RELN: variants seen among roughly 807,000 people sequenced by gnomAD.
The protein encoded by RELN is reelin.
In RELN, 108 loss-of-function variants were observed where a neutral mutation model predicts 427.6. The ratio of observed to expected loss-of-function variants is 0.25; its 90% CI spans 0.22 to 0.30. RELN has a LOEUF of 0.30. RELN is among the 10% of genes least tolerant of loss of function. The pLI is 1.00. For synonymous variants in RELN, 1,524 were observed against 1,513.4 expected (o/e 1.01, Z -0.16); for missense variants, 3,715 against 4,302.8 (o/e 0.86, Z 3.82).
intron 20 of RELN, among the ~76,000 whole-genome samples, chr7:103,613,936 A>T (rs1475644806): frequency 6.6e-6 from 1 of 152,218 alleles, no homozygotes; most frequent in African/African-American, 2.4e-5. Context: ...TTCTATAGAG[A>T]AACAGAAGGA....
At chr7:103,759,788 C>A (rs1220049413) in intron 4 of RELN, among the ~76,000 whole-genome samples, 1 of 151,952 alleles carries the variant, frequency 6.6e-6, no homozygotes, top group Non-Finnish European at 1.5e-5. Flanking sequence ...ACTTTTGTCT[C>A]CAAAATTACC....
At chr7:103,756,595 T>C (rs1029023526) in intron 4 of RELN, among the ~76,000 whole-genome samples, 9 of 152,208 alleles carry the variant, frequency 5.9e-5, no homozygotes, top group African/African-American at 2.2e-4. Flanking sequence ...CAGAAAATAA[T>C]TGAAGATCCA....
chr7:103,676,406 A>T, intron 11 of RELN, among the ~76,000 whole-genome samples: 1 of 152,164 alleles, frequency 6.6e-6, no homozygotes, highest in Admixed American at 6.5e-5. Flanking sequence ...GCTGGAGAGG[A>T]TGTGGAGAAA....
At chr7:103,938,810 C>A (rs368236435) in intron 1 of RELN, among the ~76,000 whole-genome samples, 3 of 152,008 alleles carry the variant, frequency 2.0e-5, no homozygotes, top group African/African-American at 4.8e-5. Flanking sequence ...GAGCAGCTTT[C>A]GGGAGTAGAT....
At position 103,593,738 on chromosome 7, in the gene RELN, G is replaced by A; in HGVS notation, c.3856C>T (p.Arg1286Ter). ...AMIFGKSDGD[R>*]FAVTRDLTLK... is the part of the protein sequence containing the mutation. The stretch of plus-strand genomic sequence containing the variant: ...GTCAAATCTCGAGTTACTGCAAATC[G>A]ATCTCCATCTGATTTTCCAAATATC... Residue 1286 changes from arginine to a stop codon, truncating the protein, a stop_gained, in exon 27 of 65, where the codon CGA becomes TGA. Coordinates refer to ENST00000428762, the MANE Select transcript of RELN (RefSeq NM_005045.4). LOFTEE classifies it high-confidence loss of function. 6.2e-7 allele frequency: 1 copy of A among 1,613,954 alleles called. No homozygotes were observed. The highest frequency in any genetic ancestry group is 8.5e-7 in the Non-Finnish European group (1 of 1,179,882).
intron 4 of RELN, among the ~76,000 whole-genome samples, chr7:103,761,085 A>G (rs1791287004): frequency 1.3e-5 from 2 of 152,200 alleles, no homozygotes; most frequent in South Asian, 2.1e-4. Context: ...AACCAGCAAT[A>G]TTAGGAATTA....
At chr7:103,862,167 GA>G (rs1794084911) in intron 2 of RELN, among the ~76,000 whole-genome samples, 1 of 152,010 alleles carries the variant, frequency 6.6e-6, no homozygotes, top group Non-Finnish European at 1.5e-5. Context: ...ATTAAAGAAG[GA>G]AAAAGCTAAG....
chr7:103,739,945 A>G (rs1790599651), intron 6 of RELN, among the ~76,000 whole-genome samples: 1 of 152,128 alleles, frequency 6.6e-6, no homozygotes, highest in African/African-American at 2.4e-5. Context: ...AAACAGAACC[A>G]CTGCTCAGAA....
chr7:103,932,065 G>T (rs758639056), intron 1 of RELN, among the ~76,000 whole-genome samples: 2 of 152,040 alleles, frequency 1.3e-5, no homozygotes, highest in Non-Finnish European at 2.9e-5. Context: ...TAAATCATTC[G>T]ACCATAAAGA....
intron 2 of RELN, among the ~76,000 whole-genome samples, chr7:103,877,484 A>G (rs2283033): frequency 0.14 from 22,010 of 152,080 alleles, 1,885 homozygotes; most frequent in East Asian, 0.34. Flanking sequence ...TTTCTTAAGT[A>G]TATGCACTTC....
At chr7:103,885,586 T>C (rs995172528) in intron 2 of RELN, among the ~76,000 whole-genome samples, 1 of 151,952 alleles carries the variant, frequency 6.6e-6, no homozygotes, top group Non-Finnish European at 1.5e-5. Context: ...CGGGGCCTGT[T>C]GTGGGTTGGG....
At chr7:103,624,460 C>T (rs537431183) in intron 20 of RELN, among the ~76,000 whole-genome samples, 12 of 152,178 alleles carry the variant, frequency 7.9e-5, no homozygotes, top group African/African-American at 2.9e-4. Context: ...GAGTTTTACT[C>T]TTGTTGCCCA....
At chr7:103,494,338 TAATAC>T (rs1054310748) in intron 57 of RELN, among the ~76,000 whole-genome samples, 63 of 150,066 alleles carry the variant, frequency 4.2e-4, no homozygotes, top group African/African-American at 1.4e-3. Flanking sequence ...AATGACCTAG[TAATAC>T]AATACATTTC....
At chr7:103,798,410 A>C (rs1171554805) in intron 3 of RELN, among the ~76,000 whole-genome samples, 1 of 152,166 alleles carries the variant, frequency 6.6e-6, no homozygotes, top group African/African-American at 2.4e-5. Context: ...CCTACCTGTT[A>C]TCGTTGGGAA....
intron 2 of RELN, among the ~76,000 whole-genome samples, chr7:103,844,004 C>A (rs1584289654): frequency 6.6e-6 from 1 of 152,206 alleles, no homozygotes. Flanking sequence ...ATGCTGGCTA[C>A]CTGTCCAGAA....
At chr7:103,544,487 G>A (rs2711862) in intron 42 of RELN, among the ~76,000 whole-genome samples, 136,719 of 152,008 alleles carry the variant, frequency 0.9, 61,760 homozygotes, top group African/African-American at 0.98. Context: ...AGCCTCCCAA[G>A]GTGCTGGGAT....
At chr7:103,772,346 A>G (rs977407100) in intron 4 of RELN, among the ~76,000 whole-genome samples, 3 of 149,288 alleles carry the variant, frequency 2.0e-5, no homozygotes, top group Non-Finnish European at 4.4e-5. Flanking sequence ...GAATGAATGA[A>G]TGCACAAGTA....
At chr7:103,500,656 T>C in intron 53 of RELN, 89 bp downstream of exon 53, 1 of 1,315,152 alleles carries the variant, frequency 7.6e-7, no homozygotes, top group African/African-American at 1.5e-5. Flanking sequence ...CCAAAGGACA[T>C]TGTTATAGAT....
chr7:103,475,806 G>A (rs1163391868), intron 64 of RELN, among the ~76,000 whole-genome samples: 1 of 152,164 alleles, frequency 6.6e-6, no homozygotes, highest in Non-Finnish European at 1.5e-5. Flanking sequence ...CAGATCTTTA[G>A]TGCCCTAAAA....
Sources: gnomAD v4.1 joint callset for allele counts (sites outside exome capture counted in the v4.1 genomes callset) on GRCh38, gnomAD v4.1.1 for gene constraint, MANE v1.5 for transcripts, NCBI Gene and HGNC (gene_info 2026-07-23, HGNC 2026-07-21) for gene names.